The following FHIT variants were observed in gnomAD, a reference collection of about 807,000 sequenced individuals.
FHIT encodes the protein fragile histidine triad diadenosine triphosphatase, also known as bis(5'-adenosyl)-triphosphatase.
In FHIT, 19 loss-of-function variants were observed where a neutral mutation model predicts 17.9. The ratio of observed to expected loss-of-function variants is 1.06; its 90% confidence interval spans 0.74 to 1.56. The LOEUF is 1.56. FHIT is among the 40% of genes most tolerant of loss of function. FHIT has a pLI of 0.00. For missense variants in FHIT, 248 were observed against 189.2 expected, an observed-to-expected ratio of 1.31 and a Z score of -1.82; for synonymous variants, 81 against 69.7, an observed-to-expected ratio of 1.16 and a Z score of -0.81.
chr3:60,716,500 T>C (rs1388501467), intron 4 of FHIT, among the ~76,000 whole-genome samples: 1 of 152,124 alleles, frequency 6.6e-6, no homozygotes, highest in East Asian at 1.9e-4. Context: ...CCACATCTCA[T>C]CCAACTGGCA....
At chr3:60,868,747 A>G (rs1704271797) in intron 3 of FHIT, among the ~76,000 whole-genome samples, 1 of 152,164 alleles carries the variant, frequency 6.6e-6, no homozygotes, top group African/African-American at 2.4e-5. Flanking sequence ...GAGTCTAAAG[A>G]CACAATCAAA....
chr3:60,458,440 G>C (rs551596038), intron 5 of FHIT, among the ~76,000 whole-genome samples: 285 of 144,228 alleles, frequency 2.0e-3, no homozygotes, highest in Non-Finnish European at 2.6e-3. Flanking sequence ...GCTTGTTGTG[G>C]GGTGGGGGGA....
At chr3:61,195,278 A>T (rs1405835402) in intron 2 of FHIT, among the ~76,000 whole-genome samples, 1 of 152,120 alleles carries the variant, frequency 6.6e-6, no homozygotes, top group East Asian at 1.9e-4. Flanking sequence ...ACTTCTCAAA[A>T]AAAAAGAAAA....
intron 5 of FHIT, among the ~76,000 whole-genome samples, chr3:60,114,166 T>C (rs952784307): frequency 1.2e-4 from 18 of 148,920 alleles, no homozygotes; most frequent in African/African-American, 4.4e-4. Flanking sequence ...AATTACTTAC[T>C]TAATCCTCAT....
chr3:60,282,960 G>A (rs1263056046), intron 5 of FHIT, among the ~76,000 whole-genome samples: 1 of 152,018 alleles, frequency 6.6e-6, no homozygotes, highest in East Asian at 1.9e-4. Context: ...TGAAATAAGT[G>A]CAGTTCCAAG....
chr3:60,229,346 G>A (rs961725959), intron 5 of FHIT, among the ~76,000 whole-genome samples: 17 of 152,000 alleles, frequency 1.1e-4, no homozygotes, highest in Non-Finnish European at 2.4e-4. Flanking sequence ...GAACCAGGGA[G>A]GCGGAGGTTG....
chr3:61,031,416 A>G (rs1307908668), intron 3 of FHIT, among the ~76,000 whole-genome samples: 1 of 152,194 alleles, frequency 6.6e-6, no homozygotes, highest in Non-Finnish European at 1.5e-5. Context: ...CCAATTGCCC[A>G]AAAGGTGGAA....
chr3:61,019,162 T>A (rs998898063), intron 3 of FHIT, among the ~76,000 whole-genome samples: 1 of 152,236 alleles, frequency 6.6e-6, no homozygotes, highest in Non-Finnish European at 1.5e-5. Flanking sequence ...ACAACTGATA[T>A]ATCAGCAACA....
chr3:60,052,674 C>T (rs1278347665), intron 5 of FHIT, among the ~76,000 whole-genome samples: 1 of 151,430 alleles, frequency 6.6e-6, no homozygotes, highest in Non-Finnish European at 1.5e-5. Flanking sequence ...GGAATCAGAT[C>T]ACTGTACTGC....
intron 5 of FHIT, among the ~76,000 whole-genome samples, chr3:60,346,271 A>G (rs951318753): frequency 3.9e-5 from 6 of 152,232 alleles, no homozygotes; most frequent in African/African-American, 1.2e-4. Flanking sequence ...TTTGCTACCT[A>G]TAAGAGTAGT....
At chr3:61,113,162 A>G (rs74988866) in intron 2 of FHIT, among the ~76,000 whole-genome samples, 7,806 of 151,908 alleles carry the variant, frequency 0.051, 379 homozygotes, top group African/African-American at 0.13. Flanking sequence ...CACCACCAAG[A>G]CTGACTAATG....
chr3:61,162,017 T>C (rs2037711122), intron 2 of FHIT, among the ~76,000 whole-genome samples: 1 of 152,216 alleles, frequency 6.6e-6, no homozygotes, highest in African/African-American at 2.4e-5. Context: ...GACTCCTGAG[T>C]GGGAGTGCCA....
At chr3:60,241,221 A>T (rs1400298068) in intron 5 of FHIT, among the ~76,000 whole-genome samples, 1 of 152,124 alleles carries the variant, frequency 6.6e-6, no homozygotes, top group Non-Finnish European at 1.5e-5. Context: ...TAATTCCCTA[A>T]GACAGTACCA....
chr3:60,693,388 A>G (rs2041038200), intron 4 of FHIT, among the ~76,000 whole-genome samples: 1 of 152,212 alleles, frequency 6.6e-6, no homozygotes, highest in South Asian at 2.1e-4. Flanking sequence ...GGAGTAAAAG[A>G]CAATATTTTT....
chr3:60,993,037 C>T (rs957488117), intron 3 of FHIT, among the ~76,000 whole-genome samples: 37 of 152,022 alleles, frequency 2.4e-4, no homozygotes, highest in Non-Finnish European at 5.9e-5. Flanking sequence ...TAAGATCAGC[C>T]GAAAATGTGC....
chr3:60,298,366 A>G (rs139893339), intron 5 of FHIT, among the ~76,000 whole-genome samples: 69 of 152,162 alleles, frequency 4.5e-4, no homozygotes, highest in African/African-American at 1.6e-3. Flanking sequence ...GGCCCCAGCC[A>G]CCAGTTATCA....
At chr3:60,856,152 A>G (rs1553749905) in intron 3 of FHIT, among the ~76,000 whole-genome samples, 1 of 152,162 alleles carries the variant, frequency 6.6e-6, no homozygotes, top group African/African-American at 2.4e-5. Flanking sequence ...AGAGGCCATC[A>G]ACCAAAATGG....
intron 4 of FHIT, among the ~76,000 whole-genome samples, chr3:60,576,124 G>A (rs1049490473): frequency 6.6e-6 from 1 of 152,050 alleles, no homozygotes; most frequent in African/African-American, 2.4e-5. Context: ...GGTAGAAGTT[G>A]AACCTCAGGC....
intron 8 of FHIT, among the ~76,000 whole-genome samples, chr3:59,877,172 T>C (rs990146107): frequency 1.3e-5 from 2 of 152,188 alleles, no homozygotes; most frequent in African/African-American, 4.8e-5. Flanking sequence ...GATGTAACCA[T>C]TCATTATCTC....
Sources: gnomAD v4.1 joint callset for allele counts (sites outside exome capture counted in the v4.1 genomes callset) on GRCh38, gnomAD v4.1.1 for gene constraint, MANE v1.5 for transcripts, NCBI Gene and HGNC (gene_info 2026-07-23, HGNC 2026-07-21) for gene names.